Variants in NCKAP5 observed in about 807,000 individuals in gnomAD.
NCKAP5 encodes the protein nck-associated protein 5.
In NCKAP5, 92 loss-of-function variants were observed where a neutral mutation model predicts 167.0. That is an observed-to-expected ratio of 0.55 (90% CI 0.47 to 0.66). The LOEUF (loss-of-function observed/expected upper bound fraction) is 0.66. Ranked by LOEUF, NCKAP5 falls within the 30% of genes least tolerant of loss-of-function variation. The probability of loss-of-function intolerance (pLI) is 0.00; values close to 1 mark genes in which losing one functional copy is unlikely to be tolerated. For missense variants in NCKAP5, 2,378 were observed against 2,315.0 expected (o/e 1.03, Z -0.56); for synonymous variants, 891 against 877.4 (o/e 1.02, Z -0.27).
chr2:133,336,297 T>A lies in NCKAP5; in HGVS notation c.70-33187A>T, dbSNP rs548735186. ...CTTACATATAAGGAAGCAAACAGAC[T>A]AGGAATTTAATTTGTGATCGCACAC... On this transcript the variant is annotated intron_variant, in intron 3 of 19. Transcript: ENST00000409261. Among the ~76,000 whole-genome samples the A allele has an allele frequency of 3.3e-5, 5 of 152,184 alleles. No homozygotes were observed. In the East Asian group the frequency reaches 9.7e-4, roughly 29 times the overall value.
chr2:133,554,959 C>A (rs567017351), intron 2 of NCKAP5, among the ~76,000 whole-genome samples: 40 of 152,036 alleles, frequency 2.6e-4, no homozygotes, highest in Non-Finnish European at 5.0e-4. Context: ...AGAAAGGTTA[C>A]CCTTTCTGCA....
At chr2:133,580,888 G>A in the NCKAP5 span, among the ~76,000 whole-genome samples, 1 of 152,166 alleles carries the variant, frequency 6.6e-6, no homozygotes, top group Non-Finnish European at 1.5e-5. Context: ...TTGGAGGAGA[G>A]TTTCGGAAAT....
intron 11 of NCKAP5, among the ~76,000 whole-genome samples, chr2:132,853,450 G>A (rs989836088): frequency 2.0e-5 from 3 of 152,188 alleles, no homozygotes; most frequent in African/African-American, 7.2e-5. Context: ...GTTTTGGTGA[G>A]AGGATGGTTT....
At position 132,786,694 on chromosome 2, in the gene NCKAP5, G is replaced by A. The variant is rs1056068338; in HGVS notation, c.1093-976C>T. 4.6e-5 allele frequency among the ~76,000 whole-genome samples: 7 copies of A among 152,172 alleles called. 1 individual carries two copies. The highest frequency in any genetic ancestry group is 6.5e-5 in the Admixed American group (1 of 15,292). ...AGCTAACATTTACTGAGCCTCTGCT[G>A]TACACCAGCCATTTACAGGGTGCTT... On this transcript the variant is annotated intron_variant, in intron 13 of 19. Coordinates refer to ENST00000409261, the MANE Select transcript of NCKAP5 (RefSeq NM_207363.3).
the NCKAP5 span, among the ~76,000 whole-genome samples, chr2:133,643,960 A>C: frequency 6.6e-6 from 1 of 152,174 alleles, no homozygotes; most frequent in Non-Finnish European, 1.5e-5. Flanking sequence ...CTTAGGACTC[A>C]ACTCCGGCAT....
intron 11 of NCKAP5, among the ~76,000 whole-genome samples, chr2:132,827,416 AAAT>A (rs1687206719): frequency 6.6e-6 from 1 of 152,154 alleles, no homozygotes; most frequent in Admixed American, 6.5e-5. Flanking sequence ...TTTAGTTAAG[AAAT>A]AATAATTGTA....
chr2:133,361,902 A>G (rs1430167), intron 3 of NCKAP5, among the ~76,000 whole-genome samples: 37,568 of 152,160 alleles, frequency 0.25, 5,227 homozygotes, highest in African/African-American at 0.38. Flanking sequence ...TTTTGAATTT[A>G]TAAATTTATT....
At chr2:132,683,112 G>A (rs1040013154) in intron 19 of NCKAP5, among the ~76,000 whole-genome samples, 11 of 151,954 alleles carry the variant, frequency 7.2e-5, no homozygotes, top group Admixed American at 3.9e-4. Context: ...TCGAATACCT[G>A]ACCTCAGGCC....
chr2:133,615,859 C>T, the NCKAP5 span, among the ~76,000 whole-genome samples: 1 of 151,936 alleles, frequency 6.6e-6, no homozygotes. Context: ...TTTTTTTCAG[C>T]ACCACACCAC....
At chr2:132,702,587 A>G (rs556055387) in intron 19 of NCKAP5, among the ~76,000 whole-genome samples, 1 of 152,298 alleles carries the variant, frequency 6.6e-6, no homozygotes, top group South Asian at 2.1e-4. Flanking sequence ...ACAGCCCCCA[A>G]GGCTCACACA....
intron 3 of NCKAP5, among the ~76,000 whole-genome samples, chr2:133,450,322 T>C (rs937913230): frequency 2.6e-5 from 4 of 152,302 alleles, no homozygotes; most frequent in African/African-American, 9.6e-5. Flanking sequence ...AATATGTCCA[T>C]CAAGTGCATT....
chr2:132,784,461 T>G lies in NCKAP5; in HGVS notation c.2350A>C (p.Ser784Arg). 6.2e-7 allele frequency: 1 copy of G among 1,601,668 alleles called. No homozygotes were observed. Among genetic ancestry groups the G allele is most frequent in the Non-Finnish European group, 8.5e-7 (1 of 1,174,732 alleles). The change falls in exon 14 of 20, where the codon AGT (serine) becomes CGT (arginine). Residue 784 changes from serine to arginine, a missense_variant. Ser to Arg is a moderately radical substitution (Grantham distance 110). Around this residue, in one of 3 missense-constraint regions of NCKAP5, gnomAD observed 1,049 missense variants for 1,023.4 expected, o/e 1.02. Coordinates refer to ENST00000409261, the MANE Select transcript of NCKAP5 (RefSeq NM_207363.3). ...ATGGGTGCCGAAGACCTGGAATTAC[T>G]CTGGCATGATATATTGTGTGTTGGT... ...VKPTHNISCQSNSRSSAPMGI... is the reference protein window; with the variant it reads ...VKPTHNISCQRNSRSSAPMGI...
intron 3 of NCKAP5, among the ~76,000 whole-genome samples, chr2:133,358,600 C>G (rs567141119): frequency 3.3e-5 from 5 of 152,292 alleles, no homozygotes; most frequent in Non-Finnish European, 7.3e-5. Context: ...TTGAACCGCA[C>G]TGAGTATATA....
chr2:133,501,594 A>G (rs1283374497), intron 3 of NCKAP5, among the ~76,000 whole-genome samples: 1 of 152,228 alleles, frequency 6.6e-6, no homozygotes, highest in South Asian at 2.1e-4. Context: ...TGAAGAGCTC[A>G]TACATTTTAG....
chr2:133,671,552 G>A, the NCKAP5 span, among the ~76,000 whole-genome samples: 13 of 152,152 alleles, frequency 8.5e-5, no homozygotes, highest in Middle Eastern at 3.4e-3. Flanking sequence ...ACTTGAGCTC[G>A]CATGTTCAGG....
intron 6 of NCKAP5, among the ~76,000 whole-genome samples, chr2:133,076,767 G>A (rs1449334946): frequency 6.6e-6 from 1 of 152,132 alleles, no homozygotes; most frequent in African/African-American, 2.4e-5. Context: ...TCACAGGACG[G>A]CTACTGCTAT....
intron 3 of NCKAP5, chr2:133,381,609 C>T (rs1182992230): frequency 1.3e-5 from 2 of 152,200 alleles, no homozygotes; most frequent in South Asian, 2.1e-4. Flanking sequence ...AGTTCAACTG[C>T]TTCTCTTACA....
intron 8 of NCKAP5, among the ~76,000 whole-genome samples, chr2:132,948,144 T>C (rs552954820): frequency 5.3e-5 from 8 of 152,296 alleles, no homozygotes; most frequent in Admixed American, 1.3e-4. Context: ...TTTTTTTATC[T>C]AGCCAAAATA....
chr2:133,265,546 TG>T (rs1384982436), intron 4 of NCKAP5, among the ~76,000 whole-genome samples: 1 of 152,118 alleles, frequency 6.6e-6, no homozygotes, highest in East Asian at 1.9e-4. Flanking sequence ...TAAGCCAGTT[TG>T]GGGGCTGAGC....
Sources: gnomAD v4.1 joint callset for allele counts (sites outside exome capture counted in the v4.1 genomes callset) on GRCh38, gnomAD v4.1.1 for gene constraint, gnomAD v4.1.1 regional missense constraint, MANE v1.5 for transcripts, NCBI Gene and HGNC (gene_info 2026-07-23, HGNC 2026-07-21) for gene names.